FBLN1: variants seen among roughly 807,000 people sequenced by gnomAD.
FBLN1 encodes fibulin-1.
FBLN1 carries 34 observed loss-of-function variants against 89.7 expected under a neutral mutation model. The observed-to-expected ratio is 0.38, with a 90% CI of 0.29 to 0.50. The LOEUF is 0.50. FBLN1 is among the 20% of genes least tolerant of loss of function. The probability of loss-of-function intolerance (pLI) is 0.92; values close to 1 mark genes in which losing one functional copy is unlikely to be tolerated. For synonymous variants in FBLN1, 393 were observed against 391.3 expected (o/e 1.00, Z -0.05); for missense variants, 777 against 988.1 (o/e 0.79, Z 2.86).
Position 45,518,688 on chromosome 22 carries a change from C to G in FBLN1, c.86C>G (p.Ala29Gly), listed in dbSNP as rs757486726. ...GLALLAAGVD[A>G]DVLLEACCAD... ...TGTTCTCTTCCCTGCACAGTGGACG[C>G]GGATGTCCTCCTGGAGGCCTGCTGT... Residue 29 changes from alanine (A) to glycine (G), a missense_variant, in exon 2 of 17, where the codon GCG becomes GGG. Ala to Gly is a moderately conservative substitution (Grantham distance 60). Transcript: ENST00000327858. 3 of 1,603,488 alleles carry G rather than the reference C, an allele frequency of 1.9e-6. No individual in the cohort carries two copies. Among genetic ancestry groups the G allele is most frequent in the Non-Finnish European group, 2.6e-6 (3 of 1,175,402 alleles).
At chr22:45,535,601 A>C in intron 8 of FBLN1, 1 of 442,042 alleles carries the variant, frequency 2.3e-6, no homozygotes, top group Non-Finnish European at 4.1e-6. Flanking sequence ...GCTGTGTTCC[A>C]ATAAAACTTT....
chr22:45,548,807 G>A (rs1332921435), intron 13 of FBLN1, 63 bp downstream of exon 13: 3 of 1,601,668 alleles, frequency 1.9e-6, no homozygotes, highest in South Asian at 2.2e-5. Flanking sequence ...ATGTCGTGGG[G>A]CTGAGGCTGG....
intron 4 of FBLN1, among the ~76,000 whole-genome samples, chr22:45,528,922 G>T (rs1374216833): frequency 6.6e-6 from 1 of 152,186 alleles, no homozygotes; most frequent in Non-Finnish European, 1.5e-5. Context: ...GTCCTAATGT[G>T]TACCTTGGTC....
chr22:45,542,005 G>A lies in FBLN1; in HGVS notation c.1067-150G>A, dbSNP rs967112176. ...AGCTATCTTCCCAGTCCAGGGCCCG[G>A]CACTCAGTAGGTGCTCTGTGAAGTC... On this transcript the variant is annotated intron_variant, in intron 9 of 16. Transcript: ENST00000327858. 5.0e-6 allele frequency: 6 copies of A among 1,200,972 alleles called. No homozygotes were observed. The South Asian group carries it at 7.7e-5, about 15-fold the overall frequency. 74.4% of individuals were successfully genotyped at this position (1,200,972 alleles called of 1,614,324 possible).
chr22:45,523,016 T>C (rs2088271148), intron 2 of FBLN1: 1 of 611,094 alleles, frequency 1.6e-6, no homozygotes, highest in Admixed American at 2.5e-5. Flanking sequence ...TGATGGTTTG[T>C]AGGAAGGCAG....
intron 14 of FBLN1, among the ~76,000 whole-genome samples, chr22:45,573,553 C>CAA (rs2088967942): frequency 4.0e-5 from 6 of 149,234 alleles, no homozygotes; most frequent in South Asian, 4.3e-4. Context: ...TGGTGGCATG[C>CAA]GCCTGTAATC....
intron 14 of FBLN1, among the ~76,000 whole-genome samples, chr22:45,552,908 T>C (rs1436060176): frequency 6.6e-6 from 1 of 152,164 alleles, no homozygotes; most frequent in Non-Finnish European, 1.5e-5. Flanking sequence ...ACACATCCTC[T>C]TTATCCCCTC....
rs1336996263 is a variant in FBLN1 at position 45,581,662 on chromosome 22, G to C, written c.1972+4554G>C. ...GGAGTTGTCTTTGTAGTTTTTTGCAGGCCAGCCCCTCCTGTCGCACGGGCA... is the reference window on the plus strand; with the variant it reads ...GGAGTTGTCTTTGTAGTTTTTTGCACGCCAGCCCCTCCTGTCGCACGGGCA... On this transcript the variant is annotated intron_variant, in intron 16 of 16. Coordinates refer to ENST00000327858, the MANE Select transcript of FBLN1 (RefSeq NM_006486.3). This position sits in a 1 kb window ranked among gnomAD's most constrained non-coding sequence, Gnocchi z 7.6. 6.6e-6 allele frequency among the ~76,000 whole-genome samples: 1 copy of C among 152,094 alleles called. No homozygotes were observed. Among genetic ancestry groups the C allele is most frequent in the Non-Finnish European group, 1.5e-5 (1 of 68,022 alleles).
At position 45,583,783 on chromosome 22, in the gene FBLN1, A is replaced by G. The variant is rs1330883240; in HGVS notation, c.1972+6675A>G. On this transcript the variant is annotated intron_variant, in intron 16 of 16. Transcript: ENST00000327858. The surrounding 1 kb of genome is among the most constrained non-coding windows in gnomAD (Gnocchi z 4.5). ...GCCAATGGGAAGGGGAAGCGCCTGC[A>G]GCATGAGAGAGAGAGAGAATGAGAG... Among the ~76,000 whole-genome samples, 1 of 152,190 alleles carries G rather than the reference A, an allele frequency of 6.6e-6. No homozygotes were observed. The highest frequency in any genetic ancestry group is 1.5e-5 in the Non-Finnish European group (1 of 68,026).
intron 1 of FBLN1, among the ~76,000 whole-genome samples, chr22:45,508,321 G>A (rs550734347): frequency 1.2e-3 from 152 of 125,164 alleles, no homozygotes; most frequent in African/African-American, 4.3e-3. Context: ...ACTGTCTGGG[G>A]TGTGATCTTG....
Position 45,563,356 on chromosome 22 carries a change from A to G in FBLN1, c.1698-11155A>G. The G allele has an allele frequency of 1.3e-6, 2 of 1,593,964 alleles. No individual in the cohort carries two copies. The highest frequency in any genetic ancestry group is 1.1e-5 in the South Asian group (1 of 89,410). On this transcript the variant is annotated intron_variant, in intron 14 of 16. Coordinates refer to ENST00000327858, the MANE Select transcript of FBLN1 (RefSeq NM_006486.3). This position sits in a 1 kb window ranked among gnomAD's most constrained non-coding sequence, Gnocchi z 5.7. ...AATAAAGTCTTAGCAAGCGTCCCAC[A>G]CAGTGAGCCTCGCGTGCCTTGGTTT...
In FBLN1 at chr22:45,553,320, G is replaced by A. The variant is rs181327001; in HGVS notation, c.1697+2705G>A. Among the ~76,000 whole-genome samples, 3 of 152,314 alleles carry A rather than the reference G, an allele frequency of 2.0e-5. No homozygotes were observed. The East Asian group carries it at 5.8e-4, about 29-fold the overall frequency. On this transcript the variant is annotated intron_variant, in intron 14 of 16. Transcript: ENST00000327858. Reference sequence around the variant, plus strand: ...AAGTTGGAGCACATTGTCCTCTAACGCATGACATGGCCCAGGATGGGTGGC... The same window carrying A: ...AAGTTGGAGCACATTGTCCTCTAACACATGACATGGCCCAGGATGGGTGGC...
At position 45,532,460 on chromosome 22, in the gene FBLN1, C is replaced by T. The variant is rs1244087009; in HGVS notation, c.545-603C>T. 6.6e-6 allele frequency among the ~76,000 whole-genome samples: 1 copy of T among 152,092 alleles called. No homozygotes were observed. The highest frequency in any genetic ancestry group is 1.5e-5 in the Non-Finnish European group (1 of 68,010). Reference sequence around the variant, plus strand: ...GCCCTAGAAGCAGGCAGGCTGGCAGCAGTTAGAAGTGTATCTCGTAGAATC... The same window carrying T: ...GCCCTAGAAGCAGGCAGGCTGGCAGTAGTTAGAAGTGTATCTCGTAGAATC... On this transcript the variant is annotated intron_variant, in intron 5 of 16. Coordinates refer to ENST00000327858, the MANE Select transcript of FBLN1 (RefSeq NM_006486.3). The surrounding 1 kb of genome is among the most constrained non-coding windows in gnomAD (Gnocchi z 4.2).
chr22:45,515,555 G>A (rs1372346808), intron 1 of FBLN1, among the ~76,000 whole-genome samples: 3 of 152,216 alleles, frequency 2.0e-5, no homozygotes, highest in African/African-American at 4.8e-5. Flanking sequence ...ACGGGAGCCT[G>A]CCCTTCCCTG....
At chr22:45,511,478 A>C (rs1442846400) in intron 1 of FBLN1, among the ~76,000 whole-genome samples, 3 of 122,600 alleles carry the variant, frequency 2.4e-5, no homozygotes, top group African/African-American at 3.3e-5. Flanking sequence ...AGACAGTCTC[A>C]CTCTGTCACC....
At position 45,550,360 on chromosome 22, in the gene FBLN1, C is replaced by G. The variant is rs2088685679; in HGVS notation, c.1574-132C>G. On this transcript the variant is annotated intron_variant, in intron 13 of 16. Transcript: ENST00000327858. This position sits in a 1 kb window ranked among gnomAD's most constrained non-coding sequence, Gnocchi z 8.4. ...ACAGGACGCTGCTCTGAAGATCAGC[C>G]AGTGGAGGGCAGGGATGGCCTGATC... 2 of 1,197,974 alleles carry G rather than the reference C, an allele frequency of 1.7e-6. No homozygotes were observed. The highest frequency in any genetic ancestry group is 4.7e-5 in the East Asian group (2 of 42,260). 74.2% of individuals were successfully genotyped at this position (1,197,974 alleles called of 1,614,324 possible). A position where few individuals can be genotyped will look rare whatever the true frequency, so the allele number is the denominator to read the frequency against.
rs1601543793 is a variant in FBLN1, at chr22:45,590,848, T to C, written c.1973-9459T>C. ...GGGAAGTGGGTTTAAGGGAGGAGGG[T>C]AGGTCAGTGTTTGGCGTGCTTGGAT... On this transcript the variant is annotated intron_variant, in intron 16 of 16. Transcript: ENST00000327858. This position sits in a 1 kb window ranked among gnomAD's most constrained non-coding sequence, Gnocchi z 4.1. Among the ~76,000 whole-genome samples the C allele has an allele frequency of 6.6e-6, 1 of 150,732 alleles. No individual in the cohort carries two copies. The highest frequency in any genetic ancestry group is 2.1e-4 in the South Asian group (1 of 4,734).
chr22:45,521,684 G>T (rs940073567), intron 2 of FBLN1, among the ~76,000 whole-genome samples: 6 of 152,210 alleles, frequency 3.9e-5, no homozygotes, highest in African/African-American at 1.4e-4. Context: ...CACTGATGTG[G>T]CTGTGGGGGT....
At chr22:45,564,860 A>G (rs113549714) in intron 14 of FBLN1, 1 of 1,613,376 alleles carries the variant, frequency 6.2e-7, no homozygotes, top group Non-Finnish European at 8.5e-7. Context: ...TGTGGCTGTG[A>G]CACTGTGCTG....
Sources: allele counts gnomAD v4.1 joint callset (sites outside exome capture counted in the v4.1 genomes callset), GRCh38; gene constraint gnomAD v4.1.1; non-coding constraint Gnocchi (gnomAD v3.1); transcripts MANE v1.5; gene names NCBI Gene and HGNC (gene_info 2026-07-23, HGNC 2026-07-21).